Variants in OMA1 observed in about 807,000 individuals in gnomAD.
OMA1 encodes OMA1 zinc metallopeptidase, also known as metalloendopeptidase OMA1, mitochondrial.
Under a neutral mutation model 30.9 loss-of-function variants are expected in OMA1, and 38 were observed. That is an observed-to-expected ratio of 1.23 (90% CI 0.95 to 1.61). The LOEUF is 1.61. OMA1 is among the 40% of genes most tolerant of loss of function. OMA1 has a pLI of 0.00. For synonymous variants in OMA1, 173 were observed against 121.9 expected, an observed-to-expected ratio of 1.42 and a Z score of -2.76; for missense variants, 461 against 349.2, an observed-to-expected ratio of 1.32 and a Z score of -2.55.
rs953631738 is a variant in OMA1 at position 58,527,206 on chromosome 1, T to C, written c.1215+55A>G. 4.7e-6 allele frequency: 4 copies of C among 843,838 alleles called. No individual in the cohort carries two copies. In the African/African-American group the frequency reaches 5.0e-5, roughly 10 times the overall value. The allele number at this position is 843,838 out of a possible 1,614,324, so 52.3% of individuals were successfully genotyped here. A position where few individuals can be genotyped will look rare whatever the true frequency, so the allele number is the denominator to read the frequency against. On this transcript the variant is annotated intron_variant, in intron 7 of 8. Coordinates refer to ENST00000371226, the MANE Select transcript of OMA1 (RefSeq NM_145243.5). ...CCAAGCCTCATTAAAATAACACACG[T>C]TTATCTTTCAGCCTGGGAAGGGCAT... is the stretch of plus-strand genomic sequence containing the variant.
intron 5 of OMA1, 68 bp from the exon 6 acceptor site, chr1:58,530,797 G>T: frequency 1.3e-6 from 1 of 791,700 alleles, no homozygotes; most frequent in Non-Finnish European, 2.2e-6. Flanking sequence ...ACATTTTCTA[G>T]TTCATCATGT....
chr1:58,527,414 A>G (rs1201680831), intron 6 of OMA1, 79 bp from the exon 7 acceptor site: 2 of 758,856 alleles, frequency 2.6e-6, no homozygotes, highest in Non-Finnish European at 4.8e-6. Flanking sequence ...GATTTTTAAA[A>G]AACAGTTTCA....
At chr1:58,546,200 G>A (rs1375463968) in intron 1 of OMA1, among the ~76,000 whole-genome samples, 1 of 152,230 alleles carries the variant, frequency 6.6e-6, no homozygotes, top group Non-Finnish European at 1.5e-5. Flanking sequence ...GCCGAGTTTA[G>A]GCTGGAAAAC....
intron 8 of OMA1, among the ~76,000 whole-genome samples, chr1:58,499,047 A>G (rs1166307238): frequency 6.6e-6 from 1 of 152,148 alleles, no homozygotes; most frequent in Non-Finnish European, 1.5e-5. Flanking sequence ...AACCATTCCT[A>G]AAATATGAAC....
At chr1:58,545,008 TAC>T (rs1215537014) in intron 1 of OMA1, among the ~76,000 whole-genome samples, 16 of 152,276 alleles carry the variant, frequency 1.1e-4, no homozygotes, top group Admixed American at 7.8e-4. Flanking sequence ...GTGTTGGGAT[TAC>T]AGTCATGAGC....
chr1:58,533,654 G>A (rs1192562616), intron 5 of OMA1, among the ~76,000 whole-genome samples: 1 of 152,016 alleles, frequency 6.6e-6, no homozygotes, highest in African/African-American at 2.4e-5. Context: ...AATAATTATA[G>A]AAAGTTTAAA....
intron 7 of OMA1, among the ~76,000 whole-genome samples, chr1:58,510,556 C>A (rs371328207): frequency 6.6e-5 from 10 of 152,036 alleles, no homozygotes; most frequent in African/African-American, 2.4e-4. Flanking sequence ...TCCTCTAAGT[C>A]TAGGAACAAG....
At chr1:58,538,186 CTT>C (rs1292792736) in intron 2 of OMA1, among the ~76,000 whole-genome samples, 1 of 152,104 alleles carries the variant, frequency 6.6e-6, no homozygotes, top group Non-Finnish European at 1.5e-5. Flanking sequence ...TTTCTTCCAT[CTT>C]CATAAAACAA....
At chr1:58,484,653 T>C (rs1645544114) in intron 8 of OMA1, among the ~76,000 whole-genome samples, 1 of 152,170 alleles carries the variant, frequency 6.6e-6, no homozygotes, top group African/African-American at 2.4e-5. Flanking sequence ...TTGCTAAAAC[T>C]TGGAAATAAC....
At chr1:58,536,330 G>C (rs553730091) in intron 3 of OMA1, among the ~76,000 whole-genome samples, 183 bp downstream of exon 3, 24 of 152,184 alleles carry the variant, frequency 1.6e-4, no homozygotes, top group Non-Finnish European at 4.4e-5. Context: ...GTGAATGCTA[G>C]GAAAAGCAAT....
chr1:58,538,736 C>T (rs1646557240), intron 2 of OMA1, 59 bp downstream of exon 2: 2 of 691,966 alleles, frequency 2.9e-6, no homozygotes, highest in South Asian at 4.4e-5. Context: ...AATACGTTAG[C>T]ACAAAATATT....
chr1:58,523,156 T>C (rs1646293768), intron 7 of OMA1, among the ~76,000 whole-genome samples: 1 of 152,228 alleles, frequency 6.6e-6, no homozygotes, highest in African/African-American at 2.4e-5. Flanking sequence ...TTAATTCCCC[T>C]GATAAGGTGT....
At position 58,538,703 on chromosome 1, in the gene OMA1, A is replaced by G. The variant is rs915165445; in HGVS notation, c.500+92T>C. ...TCTTTAAAAGTACAGTTTTATAAATAAAAAAATTAATTTCTAAAAGTTAAT... is the reference window on the plus strand; with the variant it reads ...TCTTTAAAAGTACAGTTTTATAAATGAAAAAATTAATTTCTAAAAGTTAAT... On this transcript the variant is annotated intron_variant, in intron 2 of 8. Transcript: ENST00000371226. 4.1e-5 allele frequency: 24 copies of G among 587,950 alleles called. No homozygotes were observed. In the African/African-American group the frequency reaches 4.2e-4, roughly 10 times the overall value. 36.4% of individuals were successfully genotyped at this position (587,950 alleles called of 1,614,324 possible). A position where few individuals can be genotyped will look rare whatever the true frequency, so the allele number is the denominator to read the frequency against.
chr1:58,504,093 C>T (rs184473846), intron 8 of OMA1, among the ~76,000 whole-genome samples: 2 of 152,302 alleles, frequency 1.3e-5, no homozygotes, highest in African/African-American at 4.8e-5. Context: ...GTCTACTCCA[C>T]ACAATAATGC....
At chr1:58,537,275 T>C (rs1646533061) in intron 2 of OMA1, among the ~76,000 whole-genome samples, 1 of 151,924 alleles carries the variant, frequency 6.6e-6, no homozygotes, top group African/African-American at 2.4e-5. Flanking sequence ...ATGTAAGAGG[T>C]TACAGTACAA....
intron 2 of OMA1, among the ~76,000 whole-genome samples, chr1:58,537,891 C>T (rs753550502): frequency 2.0e-4 from 31 of 152,030 alleles, no homozygotes; most frequent in South Asian, 6.2e-4. Context: ...GTAACAAAAA[C>T]AAGAAAGTTA....
chr1:58,500,141 GC>G, intron 8 of OMA1, among the ~76,000 whole-genome samples: 1 of 151,920 alleles, frequency 6.6e-6, no homozygotes. Context: ...TTTTCTAATA[GC>G]CCATTCATTT....
rs115453349 is a variant in OMA1, at chr1:58,498,580, C to A, written c.1365+7480G>T. Reference sequence around the variant, plus strand: ...TTTAAAAGACAGAAAAGAAATACAACAAGGATAATGCCTATATGGCTACTT... The same window carrying A: ...TTTAAAAGACAGAAAAGAAATACAAAAAGGATAATGCCTATATGGCTACTT... On this transcript the variant is annotated intron_variant, in intron 8 of 8. Transcript: ENST00000371226. Among the ~76,000 whole-genome samples the A allele has an allele frequency of 4.3e-3, 647 of 152,226 alleles. 6 individuals are homozygous for A. Among genetic ancestry groups the A allele is most frequent in the African/African-American group, 0.015 (618 of 41,554 alleles).
intron 7 of OMA1, among the ~76,000 whole-genome samples, chr1:58,515,610 C>T (rs1646147027): frequency 6.6e-6 from 1 of 152,040 alleles, no homozygotes; most frequent in Non-Finnish European, 1.5e-5. Context: ...TTACAACATA[C>T]CTATTAAATA....
Sources: allele counts gnomAD v4.1 joint callset (sites outside exome capture counted in the v4.1 genomes callset), GRCh38; gene constraint gnomAD v4.1.1; transcripts MANE v1.5; gene names NCBI Gene and HGNC (gene_info 2026-07-23, HGNC 2026-07-21).